Variants in ELP5 observed in about 807,000 individuals in gnomAD.
The protein encoded by ELP5 is elongator acetyltransferase complex subunit 5, also known as elongator complex protein 5.
A neutral mutation model predicts 33.4 loss-of-function variants in ELP5; 34 were observed. The ratio of observed to expected loss-of-function variants is 1.02; its 90% CI spans 0.78 to 1.36. The LOEUF (loss-of-function observed/expected upper bound fraction) is 1.36. Among genes scored for constraint, ELP5 ranks in the 40% most tolerant of loss-of-function variants. The pLI, the probability that ELP5 is intolerant of heterozygous loss-of-function variation, is 0.00. For synonymous variants in ELP5, 161 were observed against 146.4 expected (o/e 1.10, Z -0.72); for missense variants, 373 against 371.7 (o/e 1.00, Z -0.03).
chr17:7,253,007 C>T lies in ELP5; in HGVS notation c.188+9C>T. On this transcript the variant is annotated intron_variant, in intron 3 of 7. Transcript: ENST00000396628. ...TCTGATATCAACAATCGGTAAGTACCAGTTGGAAGAGATTTGATTAAATTT... is the reference window on the plus strand; with the variant it reads ...TCTGATATCAACAATCGGTAAGTACTAGTTGGAAGAGATTTGATTAAATTT... 1 of 1,613,662 alleles carries T rather than the reference C, an allele frequency of 6.2e-7. No individual in the cohort carries two copies.
chr17:7,255,010 C>G, intron 4 of ELP5: 1 of 572,228 alleles, frequency 1.7e-6, no homozygotes, highest in Admixed American at 3.6e-5. Context: ...TATTTTTTTA[C>G]TCATTTGTTT....
At chr17:7,255,025 C>T in intron 4 of ELP5, 1 of 572,716 alleles carries the variant, frequency 1.7e-6, no homozygotes, top group Non-Finnish European at 3.1e-6. Context: ...TTGTTTCACT[C>T]ATTCATTCAT....
chr17:7,258,549 C>A lies in ELP5; in HGVS notation c.592-39C>A, dbSNP rs780760422. ...GGTCCTGGAGTCTGTCTAGTTTCTT[C>A]AGTAAGATGAAAAAAACTCTTTTCT... On this transcript the variant is annotated intron_variant, in intron 5 of 7. Coordinates refer to ENST00000396628, the MANE Select transcript of ELP5 (RefSeq NM_203414.3). 5.6e-6 allele frequency: 9 copies of A among 1,598,970 alleles called. No individual in the cohort carries two copies. In the South Asian group the frequency reaches 9.9e-5, roughly 18 times the overall value.
chr17:7,259,334 C>T (rs941464116), intron 7 of ELP5: 6 of 1,400,206 alleles, frequency 4.3e-6, no homozygotes, highest in Non-Finnish European at 5.6e-6. Context: ...CTACAAGATC[C>T]TTGCCCTCAA....
chr17:7,254,954 T>C (rs1309672866), intron 4 of ELP5, 151 bp downstream of exon 4: 18 of 595,858 alleles, frequency 3.0e-5, no homozygotes, highest in South Asian at 1.3e-4. Context: ...TTTTTTTTTT[T>C]ACTTCTCCTT....
At chr17:7,252,649 G>A in intron 1 of ELP5, 53 bp downstream of exon 1, 2 of 1,602,984 alleles carry the variant, frequency 1.2e-6, no homozygotes, top group Non-Finnish European at 8.5e-7. Flanking sequence ...GGGCCTGGCT[G>A]AGGGGACGGA....
chr17:7,253,478 C>T (rs1226750718), intron 3 of ELP5, among the ~76,000 whole-genome samples: 1 of 152,094 alleles, frequency 6.6e-6, no homozygotes, highest in African/African-American at 2.4e-5. Context: ...GTAGAATTTC[C>T]AGGATTTATT....
chr17:7,259,452 C>G, intron 7 of ELP5, 119 bp from the exon 8 acceptor site: 1 of 1,524,960 alleles, frequency 6.6e-7, no homozygotes. Flanking sequence ...GGACTTGGAC[C>G]AATAAAATGA....
chr17:7,253,046 C>T (rs377318562), intron 3 of ELP5, 48 bp downstream of exon 3: 2 of 1,578,958 alleles, frequency 1.3e-6, no homozygotes, highest in Admixed American at 1.7e-5. Context: ...ACCTATAATG[C>T]TAAGGAAATT....
In ELP5 at chr17:7,256,921, A is replaced by G. The variant is rs1204605221; in HGVS notation, c.474A>G (p.Pro158=). 1 of 1,614,030 alleles carries G rather than the reference A, an allele frequency of 6.2e-7. No homozygotes were observed. Among genetic ancestry groups the G allele is most frequent in the Non-Finnish European group, 8.5e-7 (1 of 1,180,044 alleles). The part of the protein sequence containing the change: ...LGLLHEELHG[P]GPVGALSSLA... ...TGCTACATGAAGAGCTTCATGGACC[A>G]GGCCCTGTGGGAGCTCTCAGCAGCC... Residue 158 remains proline (P), a synonymous_variant, in exon 5 of 8, where the codon CCA becomes CCG. Coordinates refer to ENST00000396628, the MANE Select transcript of ELP5 (RefSeq NM_203414.3).
upstream of ELP5, chr17:7,251,871 T>TC (rs878947071): frequency 6.5e-6 from 1 of 153,808 alleles, no homozygotes; most frequent in African/African-American, 2.4e-5. Flanking sequence ...CGGAGCGGCC[T>TC]CCCCCTCCCC....
rs750717997 is a variant in ELP5 at position 7,257,068 on chromosome 17, AAC to A, written c.591+31_591+32del. 2.6e-6 allele frequency: 4 copies of A among 1,518,400 alleles called. No homozygotes were observed. In the South Asian group the frequency reaches 3.8e-5, roughly 14 times the overall value. The allele number at this position is 1,518,400 out of a possible 1,614,324, so 94.1% of individuals were successfully genotyped here. On this transcript the variant is annotated intron_variant, in intron 5 of 7. Coordinates refer to ENST00000396628, the MANE Select transcript of ELP5 (RefSeq NM_203414.3). ...GAAGAACCAACAGAGAAGGACTGGA[AAC>A]GGGGGACAGAGAAAGGGGTGGCACG... is the stretch of plus-strand genomic sequence containing the variant.
At chr17:7,253,043 A>G in intron 3 of ELP5, 45 bp downstream of exon 3, 1 of 1,581,330 alleles carries the variant, frequency 6.3e-7, no homozygotes, top group East Asian at 2.2e-5. Flanking sequence ...GAGACCTATA[A>G]TGCTAAGGAA....
At chr17:7,255,247 C>G (rs1439502677) in intron 4 of ELP5, among the ~76,000 whole-genome samples, 1 of 152,000 alleles carries the variant, frequency 6.6e-6, no homozygotes. Flanking sequence ...CACTCTTGGC[C>G]GGGCGCGGTG....
In ELP5 at chr17:7,259,183, C is replaced by T. The variant is rs1172080535; in HGVS notation, c.788+257C>T. 55 of 1,398,490 alleles carry T rather than the reference C, an allele frequency of 3.9e-5. 3 individuals carry two copies. In the South Asian group the frequency reaches 7.6e-4, roughly 19 times the overall value. 86.6% of individuals were successfully genotyped at this position (1,398,490 alleles called of 1,614,324 possible). On this transcript the variant is annotated intron_variant, in intron 7 of 7. Transcript: ENST00000396628. ...ACCCTGGGCCTGGGCTGAGCCAGACCAGACCCTTGGGAGGTGGCCCTATCC... is the reference window on the plus strand; with the variant it reads ...ACCCTGGGCCTGGGCTGAGCCAGACTAGACCCTTGGGAGGTGGCCCTATCC...
chr17:7,257,063 CTG>C, intron 5 of ELP5, 25 bp downstream of exon 5: 1 of 1,525,198 alleles, frequency 6.6e-7, no homozygotes, highest in Non-Finnish European at 8.8e-7. Flanking sequence ...CAGAGAAGGA[CTG>C]GAAACGGGGG....
chr17:7,258,085 G>A (rs2072118071), intron 5 of ELP5, among the ~76,000 whole-genome samples: 1 of 151,782 alleles, frequency 6.6e-6, no homozygotes, highest in Non-Finnish European at 1.5e-5. Flanking sequence ...GAGTAAGTGG[G>A]CTGCTCTGCC....
chr17:7,258,293 A>G (rs2072122669), intron 5 of ELP5, among the ~76,000 whole-genome samples: 1 of 151,526 alleles, frequency 6.6e-6, no homozygotes, highest in East Asian at 1.9e-4. Context: ...TACTAAAAAG[A>G]CAAAAATTAG....
intron 7 of ELP5, 93 bp downstream of exon 7, chr17:7,259,019 CTT>C (rs1298674799): frequency 7.0e-6 from 11 of 1,562,372 alleles, no homozygotes; most frequent in Non-Finnish European, 9.5e-6. Context: ...ATTAACCTGA[CTT>C]TATAGGGACT....
Sources: gnomAD v4.1 joint callset for allele counts (sites outside exome capture counted in the v4.1 genomes callset) on GRCh38, gnomAD v4.1.1 for gene constraint, MANE v1.5 for transcripts, NCBI Gene and HGNC (gene_info 2026-07-23, HGNC 2026-07-21) for gene names.